RIT2: variants seen among roughly 807,000 people sequenced by gnomAD.
RIT2 encodes the protein GTP-binding protein Rit2.
Under a neutral mutation model 23.7 loss-of-function variants are expected in RIT2, and 24 were observed. The observed-to-expected ratio is 1.01, with a 90% confidence interval of 0.73 to 1.43. The LOEUF is 1.43. Among genes scored for constraint, RIT2 ranks in the 40% most tolerant of loss-of-function variants. The pLI is 0.00. For synonymous variants in RIT2, 107 were observed against 91.1 expected, an observed-to-expected ratio of 1.17 and a Z score of -0.99; for missense variants, 236 against 266.9, an observed-to-expected ratio of 0.88 and a Z score of 0.81.
chr18:42,948,247 G>A lies in RIT2; in HGVS notation c.235-24484C>T, dbSNP rs1229973931. 2.0e-5 allele frequency among the ~76,000 whole-genome samples: 3 copies of A among 152,026 alleles called. No individual in the cohort carries two copies. In the East Asian group the frequency reaches 5.8e-4, roughly 29 times the overall value. On this transcript the variant is annotated intron_variant, in intron 3 of 4. Coordinates refer to ENST00000326695, the MANE Select transcript of RIT2 (RefSeq NM_002930.4). ...AAATAATTTTCTTAAATAATATAAT[G>A]TCCTGACATGTTGTTCAAATGTTCA... is the stretch of plus-strand genomic sequence containing the variant.
intron 1 of RIT2, among the ~76,000 whole-genome samples, chr18:43,069,015 C>T (rs1912839149): frequency 6.6e-6 from 1 of 152,142 alleles, no homozygotes; most frequent in Non-Finnish European, 1.5e-5. Flanking sequence ...GTTAAGGGAA[C>T]AGATTGGTAG....
chr18:42,965,759 T>C (rs904696192), intron 3 of RIT2, among the ~76,000 whole-genome samples: 35 of 129,724 alleles, frequency 2.7e-4, no homozygotes, highest in African/African-American at 9.9e-4. Flanking sequence ...AATTCTTCCA[T>C]GATTTTACCA....
Position 42,988,094 on chromosome 18 carries a change from G to A in RIT2, c.161-13947C>T, listed in dbSNP as rs180808446. 2.9e-4 allele frequency among the ~76,000 whole-genome samples: 44 copies of A among 152,212 alleles called. 1 individual carries two copies. The highest frequency in any genetic ancestry group is 5.2e-4 in the Admixed American group (8 of 15,282). On this transcript the variant is annotated intron_variant, in intron 2 of 4. Transcript: ENST00000326695. ...AGTAGATGTATAAATCAACTCCAGT[G>A]TACTCATAGAGTAGATTATCTTTGC... is the stretch of plus-strand genomic sequence containing the variant.
intron 2 of RIT2, among the ~76,000 whole-genome samples, chr18:43,018,789 C>T (rs934600747): frequency 4.0e-5 from 6 of 151,826 alleles, no homozygotes; most frequent in Admixed American, 6.6e-5. Context: ...AGACTAGCCC[C>T]GCAAGAAATG....
chr18:43,103,835 A>G (rs570841278), intron 1 of RIT2, among the ~76,000 whole-genome samples: 1 of 152,320 alleles, frequency 6.6e-6, no homozygotes, highest in Admixed American at 6.5e-5. Context: ...GAGAAGAATC[A>G]AAATGGTATT....
At chr18:42,897,809 G>T (rs982058216) in intron 4 of RIT2, among the ~76,000 whole-genome samples, 4 of 152,094 alleles carry the variant, frequency 2.6e-5, no homozygotes, top group Non-Finnish European at 4.4e-5. Flanking sequence ...TCAAAAATAG[G>T]CTATCAAGTA....
intron 4 of RIT2, among the ~76,000 whole-genome samples, chr18:42,777,680 T>G (rs2143926376): frequency 6.6e-6 from 1 of 152,294 alleles, no homozygotes; most frequent in African/African-American, 2.4e-5. Flanking sequence ...TGTTAGAGAT[T>G]TTAGTAACAT....
intron 4 of RIT2, among the ~76,000 whole-genome samples, chr18:42,877,005 G>T (rs1035973815): frequency 2.4e-4 from 37 of 151,604 alleles, no homozygotes; most frequent in Non-Finnish European, 4.4e-4. Flanking sequence ...CTAAAGAATG[G>T]CACGGAGAAT....
intron 4 of RIT2, among the ~76,000 whole-genome samples, chr18:42,904,561 T>C (rs531429893): frequency 6.6e-6 from 1 of 152,276 alleles, no homozygotes; most frequent in South Asian, 2.1e-4. Flanking sequence ...ACAATGGATG[T>C]GCTGTTTCAG....
At chr18:42,801,467 C>CT (rs1055896654) in intron 4 of RIT2, among the ~76,000 whole-genome samples, 20 of 152,112 alleles carry the variant, frequency 1.3e-4, no homozygotes, top group African/African-American at 4.8e-4. Flanking sequence ...ATAACTAGTT[C>CT]TTTTTTTAAG....
chr18:43,007,576 G>A (rs1911256009), intron 2 of RIT2, among the ~76,000 whole-genome samples: 1 of 151,610 alleles, frequency 6.6e-6, no homozygotes, highest in Non-Finnish European at 1.5e-5. Flanking sequence ...CAGATAAGAA[G>A]AAAGCTATCA....
rs376144367 is a variant in RIT2, at chr18:43,094,123, G to GTTT, written c.103+21291_103+21293dup. Among the ~76,000 whole-genome samples, 98 of 116,036 alleles carry GTTT rather than the reference G, an allele frequency of 8.4e-4. 1 individual carries two copies. Among genetic ancestry groups the GTTT allele is most frequent in the Non-Finnish European group, 1.3e-3 (76 of 57,476 alleles). The allele number at this position is 116,036 out of a possible 152,430, so 76.1% of individuals were successfully genotyped here. A position where few individuals can be genotyped will look rare whatever the true frequency, so the allele number is the denominator to read the frequency against. ...AAATTGGTATTAGTGGGTTTTTTTT[G>GTTT]TTTTTTTTTTTTTTTTTCACTTTGC... On this transcript the variant is annotated intron_variant, in intron 1 of 4. Coordinates refer to ENST00000326695, the MANE Select transcript of RIT2 (RefSeq NM_002930.4).
intron 2 of RIT2, among the ~76,000 whole-genome samples, chr18:43,022,845 T>C (rs1205725071): frequency 6.6e-6 from 1 of 152,080 alleles, no homozygotes; most frequent in Admixed American, 6.6e-5. Context: ...TCCTAGCCTG[T>C]AGAACTCAAC....
intron 1 of RIT2, among the ~76,000 whole-genome samples, chr18:43,092,002 T>C (rs1421880660): frequency 3.9e-5 from 6 of 152,144 alleles, no homozygotes; most frequent in Admixed American, 6.6e-5. Flanking sequence ...ATTCCATATA[T>C]ATTATTTTAT....
At chr18:43,066,435 G>T (rs1016007524) in intron 1 of RIT2, among the ~76,000 whole-genome samples, 1 of 152,152 alleles carries the variant, frequency 6.6e-6, no homozygotes, top group Admixed American at 6.6e-5. Context: ...AATCAAATTG[G>T]TACTTACAGA....
chr18:43,049,974 T>TTG (rs1008132248), intron 1 of RIT2, among the ~76,000 whole-genome samples: 1 of 9,666 alleles, frequency 1.0e-4, no homozygotes, highest in African/African-American at 1.6e-4. Context: ...GGGATTTCCT[T>TTG]TTTTTTTTTT....
intron 3 of RIT2, among the ~76,000 whole-genome samples, chr18:42,926,281 G>C (rs1036618859): frequency 1.3e-5 from 2 of 151,824 alleles, no homozygotes; most frequent in Non-Finnish European, 2.9e-5. Context: ...TTGTAGAATT[G>C]AAACATCATG....
Position 43,093,843 on chromosome 18 carries a change from A to C in RIT2, c.103+21574T>G, listed in dbSNP as rs1213799233. Among the ~76,000 whole-genome samples, 7 of 152,144 alleles carry C rather than the reference A, an allele frequency of 4.6e-5. No homozygotes were observed. In the South Asian group the frequency reaches 1.4e-3, roughly 32 times the overall value. Reference sequence around the variant, plus strand: ...AAATGCTAAAATTCACCATCACCACACTATCTTCACATTTCCATATTATAT... The same window carrying C: ...AAATGCTAAAATTCACCATCACCACCCTATCTTCACATTTCCATATTATAT... On this transcript the variant is annotated intron_variant, in intron 1 of 4. Transcript: ENST00000326695.
intron 4 of RIT2, among the ~76,000 whole-genome samples, chr18:42,897,107 A>G (rs906412530): frequency 1.3e-5 from 2 of 152,180 alleles, no homozygotes; most frequent in Non-Finnish European, 2.9e-5. Flanking sequence ...CAGGTACTAC[A>G]CAGTCATTGG....
Sources: gnomAD v4.1 joint callset for allele counts (sites outside exome capture counted in the v4.1 genomes callset) on GRCh38, gnomAD v4.1.1 for gene constraint, MANE v1.5 for transcripts, NCBI Gene and HGNC (gene_info 2026-07-23, HGNC 2026-07-21) for gene names.